Variants in RBM4B observed in about 807,000 individuals in gnomAD.
The protein encoded by RBM4B is RNA binding motif protein 4B.
In RBM4B, 13 loss-of-function variants were observed where a neutral mutation model predicts 28.5. That is an observed-to-expected ratio of 0.46 (90% CI 0.30 to 0.72). RBM4B has a LOEUF of 0.72. Among genes scored for constraint, RBM4B ranks in the 30% least tolerant of loss-of-function variants. RBM4B has a pLI of 0.09. For missense variants in RBM4B, 387 were observed against 477.6 expected, an observed-to-expected ratio of 0.81 and a Z score of 1.77; for synonymous variants, 167 against 179.1, an observed-to-expected ratio of 0.93 and a Z score of 0.54.
intron 2 of RBM4B, chr11:66,675,690 T>C (rs1283176315): frequency 6.6e-6 from 1 of 152,238 alleles, no homozygotes; most frequent in African/African-American, 2.4e-5. Context: ...AAGACGATAC[T>C]GTTAACAAAA....
chr11:66,665,981 G>A (rs138074713), intron 3 of RBM4B: 199 of 1,490,102 alleles, frequency 1.3e-4, no homozygotes, highest in African/African-American at 3.3e-4. Flanking sequence ...CATATATGGC[G>A]AATTGCACTA....
chr11:66,677,222 C>T lies in RBM4B; in HGVS notation c.-12-131G>A, dbSNP rs1199820174. ...CTCGTACAGACATTCATTATTCTTC[C>T]TCAATAGAAGAAGGGCGGTTTGTTC... On this transcript the variant is annotated intron_variant, in intron 1 of 3. Coordinates refer to ENST00000310046, the MANE Select transcript of RBM4B (RefSeq NM_031492.4). 6 of 1,178,326 alleles carry T rather than the reference C, an allele frequency of 5.1e-6. No homozygotes were observed. In the East Asian group the frequency reaches 1.5e-4, roughly 29 times the overall value. 73.0% of individuals were successfully genotyped at this position (1,178,326 alleles called of 1,614,324 possible).
At chr11:66,667,404 A>G (rs1396187119) in intron 3 of RBM4B, 1 of 152,198 alleles carries the variant, frequency 6.6e-6, no homozygotes, top group Non-Finnish European at 1.5e-5. Flanking sequence ...CTAACTCCTT[A>G]AATGTTCCTC....
Position 66,665,384 on chromosome 11 carries a change from G to GA in RBM4B, c.*203dup. 2 of 616,104 alleles carry GA rather than the reference G, an allele frequency of 3.2e-6. No individual in the cohort carries two copies. Among genetic ancestry groups the GA allele is most frequent in the Non-Finnish European group, 5.8e-6 (2 of 347,812 alleles). 38.2% of individuals were successfully genotyped at this position (616,104 alleles called of 1,614,324 possible). On this transcript the variant is annotated 3_prime_UTR_variant, in exon 4 of 4. Coordinates refer to ENST00000310046, the MANE Select transcript of RBM4B (RefSeq NM_031492.4). ...AGGCTGAGAATATAAGGAACAGAGT[G>GA]AAAGGCTACAGAGACTAGTTTCAGG...
chr11:66,665,377 A>T lies in RBM4B; in HGVS notation c.*211T>A. The T allele has an allele frequency of 3.3e-6, 2 of 608,238 alleles. No homozygotes were observed. The highest frequency in any genetic ancestry group is 3.9e-5 in the South Asian group (2 of 51,016). The allele number at this position is 608,238 out of a possible 1,614,324, so 37.7% of individuals were successfully genotyped here. On this transcript the variant is annotated 3_prime_UTR_variant, in exon 4 of 4. Coordinates refer to ENST00000310046, the MANE Select transcript of RBM4B (RefSeq NM_031492.4). ...TGCTCAGAGGCTGAGAATATAAGGA[A>T]CAGAGTGAAAGGCTACAGAGACTAG...
chr11:66,670,755 T>A (rs944459095), intron 2 of RBM4B, among the ~76,000 whole-genome samples: 3 of 146,786 alleles, frequency 2.0e-5, no homozygotes, highest in African/African-American at 7.6e-5. Context: ...TTGCAGTGAG[T>A]GGAGATCATA....
rs747332336 is a variant in RBM4B at position 66,665,522 on chromosome 11, C to T, written c.*66G>A. The T allele has an allele frequency of 1.4e-5, 19 of 1,382,448 alleles. No homozygotes were observed. Among genetic ancestry groups the T allele is most frequent in the Middle Eastern group, 1.7e-4 (1 of 5,734 alleles). The allele number at this position is 1,382,448 out of a possible 1,614,324, so 85.6% of individuals were successfully genotyped here. Reference sequence around the variant, plus strand: ...AAACATCCCGGCAAAGGGGACCGCGCGGAGCAAGTTCTCATATATGACCGC... The same window carrying T: ...AAACATCCCGGCAAAGGGGACCGCGTGGAGCAAGTTCTCATATATGACCGC... On this transcript the variant is annotated 3_prime_UTR_variant, in exon 4 of 4. Coordinates refer to ENST00000310046, the MANE Select transcript of RBM4B (RefSeq NM_031492.4).
chr11:66,667,122 G>C (rs1287854138), intron 3 of RBM4B: 1 of 152,130 alleles, frequency 6.6e-6, no homozygotes, highest in African/African-American at 2.4e-5. Context: ...CAGAAACTCA[G>C]TAGTAACTCA....
intron 2 of RBM4B, among the ~76,000 whole-genome samples, 156 bp from the exon 3 acceptor site, chr11:66,669,447 TTTTTG>T (rs1939387588): frequency 1.3e-5 from 2 of 151,840 alleles, no homozygotes; most frequent in South Asian, 4.1e-4. Flanking sequence ...AGTTGAAGTT[TTTTTG>T]TTTTTTTTTT....
intron 2 of RBM4B, among the ~76,000 whole-genome samples, chr11:66,672,376 C>T (rs1343499036): frequency 1.7e-5 from 2 of 118,022 alleles, no homozygotes; most frequent in East Asian, 5.7e-4. Flanking sequence ...TGCCACTGCA[C>T]TACAGCCTAG....
chr11:66,668,670 T>C lies in RBM4B; in HGVS notation c.1034A>G (p.Tyr345Cys). ...TCGGTCCACATACTGCTCCCGTTCA[T>C]ACCGGGCCATGTCATACAGAGAATT... is the stretch of plus-strand genomic sequence containing the variant. Reference protein sequence around the residue: ...TRNSLYDMARYEREQYVDRAR... With the variant: ...TRNSLYDMARCEREQYVDRAR... The change falls in exon 3 of 4, where the codon TAT (tyrosine) becomes TGT (cysteine). Residue 345 changes from tyrosine to cysteine, a missense_variant. Physicochemically the swap from Tyr to Cys is radical, Grantham distance 194. This residue lies in a region of RBM4B where 226 missense variants were observed against 220.6 expected (regional missense o/e 1.02). Transcript: ENST00000310046. 6.2e-7 allele frequency: 1 copy of C among 1,614,060 alleles called. No homozygotes were observed. The highest frequency in any genetic ancestry group is 8.5e-7 in the Non-Finnish European group (1 of 1,179,884).
intron 1 of RBM4B, chr11:66,677,356 G>A: frequency 1.9e-6 from 1 of 520,906 alleles, no homozygotes. Flanking sequence ...ACCAGAATTA[G>A]CTGCTTCATG....
At chr11:66,669,737 C>T (rs577102054) in intron 2 of RBM4B, among the ~76,000 whole-genome samples, 3 of 152,370 alleles carry the variant, frequency 2.0e-5, no homozygotes, top group East Asian at 1.9e-4. Context: ...TGCGCCATTG[C>T]GCCCTGCCAG....
intron 3 of RBM4B, 39 bp downstream of exon 3, chr11:66,668,576 C>T (rs1277843098): frequency 6.6e-7 from 1 of 1,513,718 alleles, no homozygotes; most frequent in Non-Finnish European, 9.0e-7. Flanking sequence ...TTCAAGGGAA[C>T]TAAATGGAAT....
chr11:66,669,348 C>T, intron 2 of RBM4B, 57 bp from the exon 3 acceptor site: 5 of 1,525,048 alleles, frequency 3.3e-6, no homozygotes, highest in Non-Finnish European at 4.5e-6. Context: ...TCTTTTTCCT[C>T]TCCTCCCCAA....
At chr11:66,673,921 G>C (rs1355102246) in intron 2 of RBM4B, among the ~76,000 whole-genome samples, 1 of 152,164 alleles carries the variant, frequency 6.6e-6, no homozygotes, top group Non-Finnish European at 1.5e-5. Flanking sequence ...AAAAACCAGA[G>C]CTAGTTATAA....
chr11:66,673,951 A>G (rs1939551812), intron 2 of RBM4B, among the ~76,000 whole-genome samples: 2 of 152,224 alleles, frequency 1.3e-5, no homozygotes, highest in South Asian at 4.1e-4. Context: ...TATAACTAGG[A>G]GGAGAGTGCT....
Position 66,669,230 on chromosome 11 carries a change from G to T in RBM4B, c.474C>A (p.Asp158Glu), listed in dbSNP as rs1270949779. 6.2e-7 allele frequency: 1 copy of T among 1,614,148 alleles called. No homozygotes were observed. Among genetic ancestry groups the T allele is most frequent in the East Asian group, 2.2e-5 (1 of 44,882 alleles). Residue 158 changes from aspartate to glutamate, a missense_variant, in exon 3 of 4, where the codon GAC becomes GAA. By Grantham distance (45) the Asp-to-Glu change is conservative. Coordinates refer to ENST00000310046, the MANE Select transcript of RBM4B (RefSeq NM_031492.4). ...TCCCACACCGATAGCAGCCACTCTG[G>T]TCTCCCATACCAGGGGCAGTCCGAA... ...SRLRTAPGMG[D>E]QSGCYRCGKE...
chr11:66,669,594 G>T, intron 2 of RBM4B, among the ~76,000 whole-genome samples: 1 of 152,140 alleles, frequency 6.6e-6, no homozygotes. Context: ...TTACAGGCAT[G>T]CGCTGCCATG....
Sources: gnomAD v4.1 joint callset for allele counts (sites outside exome capture counted in the v4.1 genomes callset) on GRCh38, gnomAD v4.1.1 for gene constraint, gnomAD v4.1.1 regional missense constraint, MANE v1.5 for transcripts, NCBI Gene and HGNC (gene_info 2026-07-23, HGNC 2026-07-21) for gene names.